Variants in RAPGEF4 observed in about 807,000 individuals in gnomAD.
RAPGEF4 encodes the protein Rap guanine nucleotide exchange factor 4.
Under a neutral mutation model 147.9 loss-of-function variants are expected in RAPGEF4, and 66 were observed. That is an observed-to-expected ratio of 0.45 (90% CI 0.37 to 0.55). The LOEUF is 0.55. Among genes scored for constraint, RAPGEF4 ranks in the 20% least tolerant of loss-of-function variants. The pLI is 0.00. For missense variants in RAPGEF4, 1,071 were observed against 1,257.3 expected, an observed-to-expected ratio of 0.85 and a Z score of 2.24; for synonymous variants, 419 against 442.7, an observed-to-expected ratio of 0.95 and a Z score of 0.67.
chr2:172,901,383 C>T (rs1311508779), intron 4 of RAPGEF4, among the ~76,000 whole-genome samples: 3 of 152,190 alleles, frequency 2.0e-5, no homozygotes, highest in African/African-American at 4.8e-5. Context: ...TCTCTTAAAG[C>T]AAGAAGCTTA....
chr2:172,825,413 C>T (rs1689561794), intron 4 of RAPGEF4, among the ~76,000 whole-genome samples: 1 of 152,104 alleles, frequency 6.6e-6, no homozygotes, highest in South Asian at 2.1e-4. Flanking sequence ...CTAAGTTGAC[C>T]CATCATAAGT....
intron 4 of RAPGEF4, among the ~76,000 whole-genome samples, chr2:172,853,914 T>C (rs555582570): frequency 5.6e-4 from 85 of 152,148 alleles, no homozygotes; most frequent in African/African-American, 2.0e-3. Flanking sequence ...TTTCAGTCTT[T>C]TGAAATTTGT....
intron 1 of RAPGEF4, among the ~76,000 whole-genome samples, chr2:172,774,632 T>G (rs901695028): frequency 6.6e-5 from 10 of 152,246 alleles, no homozygotes; most frequent in Admixed American, 1.3e-4. Flanking sequence ...AAGCCTTCTC[T>G]ACTCACTCTT....
intron 27 of RAPGEF4, among the ~76,000 whole-genome samples, chr2:173,034,873 A>AACACACACACACACACACACAC (rs34646146): frequency 1.4e-5 from 2 of 140,846 alleles, no homozygotes; most frequent in African/African-American, 5.3e-5. Flanking sequence ...ACCCCGTCTC[A>AACACACACACACACACACACAC]ACACACACAC....
At chr2:172,874,752 G>A (rs1214883046) in intron 4 of RAPGEF4, among the ~76,000 whole-genome samples, 1 of 152,098 alleles carries the variant, frequency 6.6e-6, no homozygotes, top group Non-Finnish European at 1.5e-5. Flanking sequence ...TAATCCTTCG[G>A]GTATATACCC....
intron 4 of RAPGEF4, among the ~76,000 whole-genome samples, chr2:172,907,720 G>A (rs1007562870): frequency 2.0e-5 from 3 of 152,190 alleles, no homozygotes; most frequent in Non-Finnish European, 2.9e-5. Flanking sequence ...CTGTAATGCA[G>A]AAAATATTCT....
At chr2:173,031,881 A>T (rs911866911) in intron 26 of RAPGEF4, among the ~76,000 whole-genome samples, 1 of 151,990 alleles carries the variant, frequency 6.6e-6, no homozygotes. Context: ...ATTCCTAAGC[A>T]CCTTTGATTC....
At chr2:172,994,189 A>T (rs1693097375) in intron 15 of RAPGEF4, among the ~76,000 whole-genome samples, 1 of 152,188 alleles carries the variant, frequency 6.6e-6, no homozygotes, top group Non-Finnish European at 1.5e-5. Flanking sequence ...TTTTCCCCCC[A>T]TTCAGTTTTC....
At chr2:172,832,260 A>G (rs1690442911) in intron 4 of RAPGEF4, among the ~76,000 whole-genome samples, 1 of 152,192 alleles carries the variant, frequency 6.6e-6, no homozygotes, top group Admixed American at 6.5e-5. Context: ...GAGGTAGCAT[A>G]AAGCTCATAA....
chr2:173,018,832 T>C (rs2105908582), intron 22 of RAPGEF4, 30 bp downstream of exon 22: 1 of 1,604,186 alleles, frequency 6.2e-7, no homozygotes, highest in South Asian at 1.1e-5. Flanking sequence ...TTTTAGGCTC[T>C]GCAAAATGGG....
At chr2:172,887,605 G>A (rs149927976) in intron 4 of RAPGEF4, among the ~76,000 whole-genome samples, 131 of 152,316 alleles carry the variant, frequency 8.6e-4, no homozygotes, top group African/African-American at 3.1e-3. Flanking sequence ...TGGCAGAGGT[G>A]AGTAGCTGCA....
intron 1 of RAPGEF4, among the ~76,000 whole-genome samples, chr2:172,788,816 C>T (rs1450109385): frequency 6.6e-6 from 1 of 152,108 alleles, no homozygotes; most frequent in East Asian, 1.9e-4. Flanking sequence ...ATCACTTGAA[C>T]CCAGGGGGTC....
intron 6 of RAPGEF4, among the ~76,000 whole-genome samples, chr2:172,933,112 A>G (rs62174630): frequency 0.036 from 5,457 of 152,230 alleles, 134 homozygotes; most frequent in Admixed American, 0.067. Context: ...TATGTATGCA[A>G]GCACTGGGAA....
At chr2:172,873,191 G>A (rs1695452162) in intron 4 of RAPGEF4, among the ~76,000 whole-genome samples, 1 of 152,162 alleles carries the variant, frequency 6.6e-6, no homozygotes, top group African/African-American at 2.4e-5. Flanking sequence ...AGAGATGGCT[G>A]ATATTCAAGA....
At chr2:173,014,222 G>C (rs563326256) in intron 17 of RAPGEF4, among the ~76,000 whole-genome samples, 15 of 152,274 alleles carry the variant, frequency 9.9e-5, no homozygotes, top group Non-Finnish European at 2.1e-4. Flanking sequence ...AAGTCCAGGA[G>C]GAGTCTGTGA....
chr2:172,911,367 A>T (rs1451987405), intron 4 of RAPGEF4, among the ~76,000 whole-genome samples: 1 of 152,212 alleles, frequency 6.6e-6, no homozygotes, highest in Non-Finnish European at 1.5e-5. Flanking sequence ...ATAAGTTACC[A>T]ATCTGTAGCA....
At chr2:172,845,543 A>G (rs1377745170) in intron 4 of RAPGEF4, among the ~76,000 whole-genome samples, 1 of 152,162 alleles carries the variant, frequency 6.6e-6, no homozygotes, top group East Asian at 1.9e-4. Flanking sequence ...GGACTAAGAC[A>G]TCCTGACATG....
At chr2:172,925,122 G>A (rs747826047) in intron 6 of RAPGEF4, among the ~76,000 whole-genome samples, 1 of 152,178 alleles carries the variant, frequency 6.6e-6, no homozygotes, top group Admixed American at 6.5e-5. Flanking sequence ...TGGGACTACA[G>A]GCACCCACCA....
intron 4 of RAPGEF4, among the ~76,000 whole-genome samples, chr2:172,875,263 T>A (rs1314432592): frequency 3.3e-5 from 5 of 152,212 alleles, no homozygotes; most frequent in East Asian, 1.9e-4. Context: ...TAGATCCCAT[T>A]TGTCAATTTT....
Sources: gnomAD v4.1 joint callset for allele counts (sites outside exome capture counted in the v4.1 genomes callset) on GRCh38, gnomAD v4.1.1 for gene constraint, MANE v1.5 for transcripts, NCBI Gene and HGNC (gene_info 2026-07-23, HGNC 2026-07-21) for gene names.